The following KSR1 variants were observed in gnomAD, a reference collection of about 807,000 sequenced individuals.
KSR1 encodes kinase suppressor of ras 1.
A neutral mutation model predicts 92.9 loss-of-function variants in KSR1; 35 were observed. The ratio of observed to expected loss-of-function variants is 0.38; its 90% CI spans 0.29 to 0.50. KSR1 has a LOEUF of 0.50. KSR1 is among the 20% of genes least tolerant of loss of function. The pLI, the probability that KSR1 is intolerant of heterozygous loss-of-function variation, is 0.94. For missense variants in KSR1, 972 were observed against 1,158.5 expected (o/e 0.84, Z 2.34); for synonymous variants, 467 against 472.6 (o/e 0.99, Z 0.15).
intron 1 of KSR1, among the ~76,000 whole-genome samples, chr17:27,532,033 G>T (rs2070559840): frequency 6.6e-6 from 1 of 152,104 alleles, no homozygotes; most frequent in Admixed American, 6.6e-5. Context: ...CTTCTACTTT[G>T]TGTGAGTTTG....
At chr17:27,601,785 T>A in intron 11 of KSR1, 1 of 787,116 alleles carries the variant, frequency 1.3e-6, no homozygotes, top group Non-Finnish European at 2.1e-6. Context: ...CCTTGCACAA[T>A]GATGGGAGGA....
At chr17:27,501,292 C>CTTTTTTTTTTTTTTTTTTT in intron 1 of KSR1, among the ~76,000 whole-genome samples, 9 of 49,704 alleles carry the variant, frequency 1.8e-4, no homozygotes, top group African/African-American at 3.3e-4. Context: ...TTCTTTTCTT[C>CTTTTTTTTTTTTTTTTTTT]TTTTTTTTTT....
intron 14 of KSR1, 29 bp downstream of exon 14, chr17:27,605,842 A>G (rs754493557): frequency 1.1e-5 from 18 of 1,609,716 alleles, no homozygotes; most frequent in Non-Finnish European, 1.5e-5. Flanking sequence ...CTCATGCTGG[A>G]TGGCCAGCTC....
rs761371576 is a variant in KSR1 at position 27,577,556 on chromosome 17, C to T, written c.437C>T (p.Thr146Met). ...ATGAATGAGGCCAAGGTGAAGGAGA[C>T]GCTGCGGCGCTGTGGGGCCAGCGGG... is the stretch of plus-strand genomic sequence containing the variant. ...LEMNEAKVKE[T>M]LRRCGASGDE... The change falls in exon 3 of 21, where the codon ACG becomes ATG. Residue 146 changes from threonine (T) to methionine (M), a missense_variant. Thr to Met is a moderately conservative substitution (Grantham distance 81). Around this residue, in one of 5 missense-constraint regions of KSR1, gnomAD observed 611 missense variants for 668.0 expected, o/e 0.91. Coordinates refer to ENST00000644974, the MANE Select transcript of KSR1 (RefSeq NM_001394583.1). The surrounding 1 kb of genome is among the most constrained non-coding windows in gnomAD (Gnocchi z 4.5). 1.6e-5 allele frequency: 26 copies of T among 1,605,348 alleles called. No homozygotes were observed. The highest frequency in any genetic ancestry group is 5.3e-5 in the African/African-American group (4 of 74,806).
intron 14 of KSR1, among the ~76,000 whole-genome samples, chr17:27,606,338 G>A (rs1598135827): frequency 6.6e-6 from 1 of 152,320 alleles, no homozygotes; most frequent in Non-Finnish European, 1.5e-5. Context: ...TTCTCCCACT[G>A]CAACTGAGCG....
chr17:27,485,727 C>T (rs554796605), intron 1 of KSR1, among the ~76,000 whole-genome samples: 1 of 152,220 alleles, frequency 6.6e-6, no homozygotes, highest in South Asian at 2.1e-4. Context: ...GGCTTGTGCA[C>T]AGGGCTGTGT....
chr17:27,573,784 C>G (rs2072399889), intron 2 of KSR1, among the ~76,000 whole-genome samples: 1 of 152,184 alleles, frequency 6.6e-6, no homozygotes, highest in Non-Finnish European at 1.5e-5. Flanking sequence ...TGTGAAGTCT[C>G]TGAGCCTCAG....
intron 1 of KSR1, among the ~76,000 whole-genome samples, chr17:27,498,807 G>A (rs1054963253): frequency 3.3e-5 from 5 of 152,296 alleles, no homozygotes; most frequent in South Asian, 2.1e-4. Flanking sequence ...CAGGTGATGC[G>A]GTTGTGTGGG....
At chr17:27,588,420 C>T (rs571631437) in intron 5 of KSR1, 55 bp from the exon 6 acceptor site, 99 of 1,498,984 alleles carry the variant, frequency 6.6e-5, no homozygotes, top group Non-Finnish European at 8.0e-5. Context: ...GTCATGGGCA[C>T]GAGCTGTCGC....
In KSR1 at chr17:27,617,325, C is replaced by T. The variant is rs1361931045; in HGVS notation, c.2524C>T (p.Leu842=). The T allele has an allele frequency of 1.2e-6, 2 of 1,611,812 alleles. No homozygotes were observed. The highest frequency in any genetic ancestry group is 1.7e-6 in the Non-Finnish European group (2 of 1,178,782). The part of the protein sequence containing the change: ...EILSACWAFD[L]QERPSFSLLM... ...CCTGTCGGCCTGCTGGGCTTTCGAC[C>T]TGCAGGAGAGACCCAGCTTCAGCCT... is the stretch of plus-strand genomic sequence containing the variant. Residue 842 remains leucine, a synonymous_variant, in exon 19 of 21, where the codon CTG becomes TTG. Coordinates refer to ENST00000644974, the MANE Select transcript of KSR1 (RefSeq NM_001394583.1).
intron 20 of KSR1, 105 bp downstream of exon 20, chr17:27,621,378 C>T (rs1200039466): frequency 2.5e-6 from 1 of 396,610 alleles, no homozygotes. Context: ...ATCTTTGTGT[C>T]ATTTATTCTC....
intron 1 of KSR1, among the ~76,000 whole-genome samples, chr17:27,467,330 A>G (rs2019743896): frequency 6.6e-6 from 1 of 152,264 alleles, no homozygotes; most frequent in Non-Finnish European, 1.5e-5. Context: ...GGGCCAGGCC[A>G]TAGTGATTCC....
intron 1 of KSR1, among the ~76,000 whole-genome samples, chr17:27,468,437 T>G (rs1016900394): frequency 6.6e-6 from 1 of 151,898 alleles, no homozygotes; most frequent in Non-Finnish European, 1.5e-5. Context: ...GGTTTCACCA[T>G]GTTGGCCAGG....
intron 1 of KSR1, among the ~76,000 whole-genome samples, chr17:27,541,302 A>G (rs2945384): frequency 0.41 from 62,123 of 152,110 alleles, 13,328 homozygotes; most frequent in African/African-American, 0.53. Context: ...CTGTCCAGTT[A>G]CTTCGTGTCA....
chr17:27,487,839 C>T (rs2068713885), intron 1 of KSR1, among the ~76,000 whole-genome samples: 1 of 152,072 alleles, frequency 6.6e-6, no homozygotes, highest in African/African-American at 2.4e-5. Flanking sequence ...AGGTACCAGG[C>T]TCCTTTCAAC....
chr17:27,536,722 G>A (rs552531295), intron 1 of KSR1, among the ~76,000 whole-genome samples: 4 of 152,326 alleles, frequency 2.6e-5, no homozygotes, highest in Admixed American at 1.3e-4. Flanking sequence ...ACCGGCCATT[G>A]ATCTGGAGGG....
intron 1 of KSR1, chr17:27,527,074 C>A (rs756918586): frequency 3.9e-5 from 17 of 434,950 alleles, no homozygotes; most frequent in Non-Finnish European, 7.5e-5. Context: ...TCAGCGCCTG[C>A]AGGTACATTG....
At chr17:27,550,746 G>C (rs1397252555) in intron 2 of KSR1, 38 bp downstream of exon 2, 1 of 747,838 alleles carries the variant, frequency 1.3e-6, no homozygotes, top group Admixed American at 1.7e-5. Flanking sequence ...ATAGGCATGA[G>C]GGGCCAAGCA....
At position 27,595,266 on chromosome 17, in the gene KSR1, G is replaced by C. The variant is rs55972277; in HGVS notation, c.1300-2002G>C. On this transcript the variant is annotated intron_variant, in intron 9 of 20. Coordinates refer to ENST00000644974, the MANE Select transcript of KSR1 (RefSeq NM_001394583.1). ...TCCTGCCTAATGTAGAATCCCCCTG[G>C]AGCCCTCTCTCTGTTGGTCTTTTGG... Among the ~76,000 whole-genome samples the C allele has an allele frequency of 1.6e-3, 238 of 152,312 alleles. 1 individual carries two copies. The highest frequency in any genetic ancestry group is 5.3e-3 in the African/African-American group (222 of 41,560).
Sources: gnomAD v4.1 joint callset for allele counts (sites outside exome capture counted in the v4.1 genomes callset) on GRCh38, gnomAD v4.1.1 for gene constraint, gnomAD v4.1.1 regional missense constraint, Gnocchi (gnomAD v3.1) non-coding constraint, MANE v1.5 for transcripts, NCBI Gene and HGNC (gene_info 2026-07-23, HGNC 2026-07-21) for gene names.